Variants in RASA2 observed in about 807,000 individuals in gnomAD.
The protein encoded by RASA2 is ras GTPase-activating protein 2.
A neutral mutation model predicts 118.2 loss-of-function variants in RASA2; 155 were observed. The ratio of observed to expected loss-of-function variants is 1.31; its 90% CI spans 1.15 to 1.50. RASA2 has a LOEUF of 1.50. RASA2 is among the 40% of genes most tolerant of loss of function. The probability of loss-of-function intolerance (pLI) is 0.00; values close to 1 mark genes in which losing one functional copy is unlikely to be tolerated. For synonymous variants in RASA2, 353 were observed against 349.1 expected (o/e 1.01, Z -0.12); for missense variants, 1,016 against 1,009.6 (o/e 1.01, Z -0.09).
chr3:141,513,306 C>A (rs2081980402), intron 2 of RASA2, among the ~76,000 whole-genome samples: 1 of 149,594 alleles, frequency 6.7e-6, no homozygotes, highest in African/African-American at 2.5e-5. Context: ...CTATTGAATT[C>A]TTCTTAGAAA....
chr3:141,554,289 T>C (rs757013335), intron 6 of RASA2, among the ~76,000 whole-genome samples: 2 of 152,254 alleles, frequency 1.3e-5, no homozygotes, highest in Non-Finnish European at 2.9e-5. Flanking sequence ...TGTAAAATCC[T>C]GTTTTAATGA....
intron 9 of RASA2, among the ~76,000 whole-genome samples, chr3:141,567,253 T>C (rs1443629623): frequency 6.6e-6 from 1 of 151,958 alleles, no homozygotes; most frequent in East Asian, 1.9e-4. Flanking sequence ...CTGTCTCTAC[T>C]AAAAATACAA....
chr3:141,507,121 A>G (rs2081881142), intron 1 of RASA2, among the ~76,000 whole-genome samples: 1 of 152,188 alleles, frequency 6.6e-6, no homozygotes, highest in African/African-American at 2.4e-5. Context: ...GTGTGCTGCT[A>G]TTCAACTCAC....
chr3:141,574,346 T>C (rs1026317439), intron 14 of RASA2, among the ~76,000 whole-genome samples: 2 of 151,746 alleles, frequency 1.3e-5, no homozygotes, highest in East Asian at 1.9e-4. Context: ...CCCGCCACCA[T>C]GCCCAGCTAA....
chr3:141,613,298 T>C lies in RASA2; in HGVS notation c.*985T>C, dbSNP rs908853537. On this transcript the variant is annotated 3_prime_UTR_variant, in exon 24 of 24. Coordinates refer to ENST00000286364, the MANE Select transcript of RASA2 (RefSeq NM_006506.5). ...TTTAGATACTCCATGGTATCTAGTCTTTATGATCAGTTGAATGATCAGTGT... is the reference window on the plus strand; with the variant it reads ...TTTAGATACTCCATGGTATCTAGTCCTTATGATCAGTTGAATGATCAGTGT... The C allele has an allele frequency of 1.9e-4, 29 of 152,242 alleles. No homozygotes were observed. Among genetic ancestry groups the C allele is most frequent in the African/African-American group, 7.0e-4 (29 of 41,462 alleles). 9.4% of individuals were successfully genotyped at this position (152,242 alleles called of 1,614,324 possible).
At chr3:141,609,665 G>A in intron 22 of RASA2, 142 bp downstream of exon 22, 1 of 798,710 alleles carries the variant, frequency 1.3e-6, no homozygotes, top group Non-Finnish European at 1.9e-6. Flanking sequence ...CCCACAGAGA[G>A]GCATTTTTCA....
At chr3:141,516,054 G>T (rs1397732062) in intron 2 of RASA2, among the ~76,000 whole-genome samples, 1 of 125,444 alleles carries the variant, frequency 8.0e-6, no homozygotes, top group African/African-American at 3.0e-5. Context: ...CCTGTTGTGG[G>T]GTGGGGGGAG....
At chr3:141,510,283 T>C (rs1380910926) in intron 1 of RASA2, among the ~76,000 whole-genome samples, 1 of 152,174 alleles carries the variant, frequency 6.6e-6, no homozygotes, top group Non-Finnish European at 1.5e-5. Context: ...CTGTTTCCCT[T>C]ATGCCAACTG....
chr3:141,586,125 G>A, intron 18 of RASA2, 27 bp downstream of exon 18: 2 of 1,546,780 alleles, frequency 1.3e-6, no homozygotes, highest in Non-Finnish European at 1.8e-6. Flanking sequence ...AGACGTGAAA[G>A]TCATATATCA....
intron 19 of RASA2, among the ~76,000 whole-genome samples, chr3:141,589,255 A>T (rs558666218): frequency 2.6e-5 from 4 of 152,358 alleles, no homozygotes; most frequent in Non-Finnish European, 4.4e-5. Context: ...TGTTTACATT[A>T]ATAGTACATT....
chr3:141,611,884 T>A (rs1295345919), intron 23 of RASA2, among the ~76,000 whole-genome samples: 1 of 152,166 alleles, frequency 6.6e-6, no homozygotes, highest in Non-Finnish European at 1.5e-5. Flanking sequence ...CCCTGGGAAG[T>A]TTCCATATGA....
At chr3:141,524,543 T>C (rs1321732689) in intron 3 of RASA2, among the ~76,000 whole-genome samples, 1 of 152,104 alleles carries the variant, frequency 6.6e-6, no homozygotes, top group Non-Finnish European at 1.5e-5. Context: ...AGTCCTCTGG[T>C]CCTGTTTCAT....
chr3:141,591,585 C>T (rs534826419), intron 19 of RASA2, among the ~76,000 whole-genome samples: 28 of 152,290 alleles, frequency 1.8e-4, no homozygotes, highest in African/African-American at 6.0e-4. Flanking sequence ...AATTACGTTA[C>T]GAACTACTTG....
In RASA2 at chr3:141,599,720, G is replaced by T. The variant is rs1371906668; in HGVS notation, c.1934-7958G>T. ...CATGACCTCCTTATGTGATAAAGGA[G>T]GCATTTCAATTTGTGAACCATAGCC... On this transcript the variant is annotated intron_variant, in intron 19 of 23. Coordinates refer to ENST00000286364, the MANE Select transcript of RASA2 (RefSeq NM_006506.5). 2.0e-5 allele frequency among the ~76,000 whole-genome samples: 3 copies of T among 152,190 alleles called. No homozygotes were observed. The East Asian group carries it at 5.8e-4, about 29-fold the overall frequency.
chr3:141,593,811 C>T (rs1228319680), intron 19 of RASA2, among the ~76,000 whole-genome samples: 1 of 152,152 alleles, frequency 6.6e-6, no homozygotes, highest in African/African-American at 2.4e-5. Flanking sequence ...AAAACCAACC[C>T]TCACGATAAT....
At position 141,588,744 on chromosome 3, in the gene RASA2, T is replaced by C. The variant is rs112395170; in HGVS notation, c.1933+1992T>C. On this transcript the variant is annotated intron_variant, in intron 19 of 23. Transcript: ENST00000286364. ...ATATAAGAAACCAAATGCATTATAC[T>C]TTTGGGTATATTACTCAGATAATTT... Among the ~76,000 whole-genome samples, 1,398 of 152,304 alleles carry C rather than the reference T, an allele frequency of 9.2e-3. 25 individuals carry two copies. The highest frequency in any genetic ancestry group is 0.031 in the African/African-American group (1,305 of 41,556).
rs572222417 is a variant in RASA2 at position 141,497,019 on chromosome 3, C to A, written c.133+9803C>A. ...GATGAATTCATGTCCTTTGTAGGGACATGGATGAAGCTGGAAACCATCATT... is the reference window on the plus strand; with the variant it reads ...GATGAATTCATGTCCTTTGTAGGGAAATGGATGAAGCTGGAAACCATCATT... On this transcript the variant is annotated intron_variant, in intron 1 of 23. Coordinates refer to ENST00000286364, the MANE Select transcript of RASA2 (RefSeq NM_006506.5). 2.3e-3 allele frequency among the ~76,000 whole-genome samples: 345 copies of A among 152,022 alleles called. 6 individuals carry two copies. The highest frequency in any genetic ancestry group is 0.021 in the Admixed American group (320 of 15,254).
chr3:141,593,755 ATATTC>A (rs1349320335), intron 19 of RASA2, among the ~76,000 whole-genome samples: 1 of 152,232 alleles, frequency 6.6e-6, no homozygotes, highest in African/African-American at 2.4e-5. Flanking sequence ...AGTAAAGACT[ATATTC>A]TAGGATTAAG....
chr3:141,582,200 A>G lies in RASA2; in HGVS notation c.1752+1023A>G, dbSNP rs142392322. Reference sequence around the variant, plus strand: ...GATACATGTTTGAGCCTTTTTTTATACTTAGGATTCTTACAGAGACTTAGT... The same window carrying G: ...GATACATGTTTGAGCCTTTTTTTATGCTTAGGATTCTTACAGAGACTTAGT... On this transcript the variant is annotated intron_variant, in intron 17 of 23. Transcript: ENST00000286364. 2.5e-3 allele frequency among the ~76,000 whole-genome samples: 385 copies of G among 152,272 alleles called. 5 individuals carry two copies. Among genetic ancestry groups the G allele is most frequent in the East Asian group, 0.018 (95 of 5,190 alleles).
Sources: gnomAD v4.1 joint callset for allele counts (sites outside exome capture counted in the v4.1 genomes callset) on GRCh38, gnomAD v4.1.1 for gene constraint, MANE v1.5 for transcripts, NCBI Gene and HGNC (gene_info 2026-07-23, HGNC 2026-07-21) for gene names.